Variants in FNDC1 observed in about 807,000 individuals in gnomAD.
FNDC1 encodes the protein fibronectin type III domain containing 1.
A neutral mutation model predicts 168.0 loss-of-function variants in FNDC1; 96 were observed. The observed-to-expected ratio is 0.57, with a 90% CI of 0.48 to 0.68. FNDC1 has a LOEUF of 0.68. FNDC1 is among the 30% of genes least tolerant of loss of function. FNDC1 has a pLI of 0.00. For synonymous variants in FNDC1, 1,099 were observed against 1,025.9 expected, an observed-to-expected ratio of 1.07 and a Z score of -1.36; for missense variants, 2,587 against 2,482.1, an observed-to-expected ratio of 1.04 and a Z score of -0.90.
intron 4 of FNDC1, among the ~76,000 whole-genome samples, chr6:159,204,966 C>G (rs1782458316): frequency 1.3e-5 from 2 of 152,124 alleles, no homozygotes; most frequent in Non-Finnish European, 2.9e-5. Flanking sequence ...CTGACATTGC[C>G]CCTCTCCCTT....
chr6:159,200,764 G>T (rs988560273), intron 4 of FNDC1, among the ~76,000 whole-genome samples, 183 bp downstream of exon 4: 2 of 152,222 alleles, frequency 1.3e-5, no homozygotes, highest in African/African-American at 4.8e-5. Context: ...ACTGTAACCA[G>T]TGTTGCTTAT....
intron 1 of FNDC1, among the ~76,000 whole-genome samples, chr6:159,185,116 C>T (rs2114929560): frequency 6.7e-6 from 1 of 150,092 alleles, no homozygotes; most frequent in South Asian, 2.1e-4. Flanking sequence ...CTTTTGCTTA[C>T]ACTGGATCCT....
intron 19 of FNDC1, 24 bp from the exon 20 acceptor site, chr6:159,264,951 C>T (rs762770233): frequency 1.3e-6 from 2 of 1,590,000 alleles, no homozygotes; most frequent in South Asian, 2.3e-5. Context: ...GCACAGAGTC[C>T]ATTATTTCTT....
intron 1 of FNDC1, among the ~76,000 whole-genome samples, chr6:159,178,599 C>T (rs1190621741): frequency 6.6e-6 from 1 of 152,094 alleles, no homozygotes. Flanking sequence ...CAAATCTGTT[C>T]CCCCATTTTA....
intron 22 of FNDC1, among the ~76,000 whole-genome samples, chr6:159,268,991 T>TATCCATCCATCC (rs199923245): frequency 4.0e-4 from 52 of 130,460 alleles, no homozygotes; most frequent in Admixed American, 1.5e-3. Flanking sequence ...TGTATCTATT[T>TATCCATCCATCC]ATCCATCCAT....
chr6:159,264,574 G>A (rs1777553705), intron 19 of FNDC1, among the ~76,000 whole-genome samples: 1 of 152,198 alleles, frequency 6.6e-6, no homozygotes, highest in Admixed American at 6.5e-5. Context: ...TGTTTGGATG[G>A]ACATATGTTT....
intron 1 of FNDC1, among the ~76,000 whole-genome samples, chr6:159,196,219 C>T (rs1782237744): frequency 6.6e-6 from 1 of 152,202 alleles, no homozygotes; most frequent in African/African-American, 2.4e-5. Flanking sequence ...GGAGGGAATG[C>T]TTTGTAGATT....
chr6:159,223,707 G>T (rs1782895356), intron 7 of FNDC1, 62 bp downstream of exon 7: 5 of 953,472 alleles, frequency 5.2e-6, no homozygotes, highest in African/African-American at 1.7e-5. Flanking sequence ...GCCCTGAAAA[G>T]ACATGTATTT....
intron 2 of FNDC1, among the ~76,000 whole-genome samples, chr6:159,198,367 A>G (rs981857866): frequency 6.6e-6 from 1 of 152,212 alleles, no homozygotes; most frequent in African/African-American, 2.4e-5. Context: ...TTGATCCTTT[A>G]GTGGATCATG....
At chr6:159,264,051 A>G (rs534134281) in intron 19 of FNDC1, among the ~76,000 whole-genome samples, 2 of 152,366 alleles carry the variant, frequency 1.3e-5, no homozygotes, top group South Asian at 2.1e-4. Context: ...TTGGGCTAAG[A>G]TAGAGACAGG....
chr6:159,256,795 G>A (rs919793722), intron 18 of FNDC1, among the ~76,000 whole-genome samples, 164 bp downstream of exon 18: 2 of 152,218 alleles, frequency 1.3e-5, no homozygotes, highest in Admixed American at 6.5e-5. Flanking sequence ...TGTCATATAA[G>A]TTTCTTAGAA....
intron 4 of FNDC1, among the ~76,000 whole-genome samples, chr6:159,205,469 A>G (rs1050697883): frequency 6.6e-6 from 1 of 152,182 alleles, no homozygotes; most frequent in African/African-American, 2.4e-5. Context: ...TCAAGAGCAT[A>G]ATTAATCCAC....
chr6:159,200,148 G>C, intron 3 of FNDC1, 66 bp downstream of exon 3: 3 of 1,143,200 alleles, frequency 2.6e-6, no homozygotes, highest in Non-Finnish European at 3.8e-6. Context: ...ATCCCTCCTT[G>C]CTTCTTCCAG....
chr6:159,263,314 T>C (rs1777527243), intron 19 of FNDC1, among the ~76,000 whole-genome samples: 1 of 152,136 alleles, frequency 6.6e-6, no homozygotes, highest in Non-Finnish European at 1.5e-5. Context: ...GATGGAAACA[T>C]TTTGCAGGTT....
At chr6:159,237,719 C>G (rs1783296049) in intron 12 of FNDC1, among the ~76,000 whole-genome samples, 2 of 152,170 alleles carry the variant, frequency 1.3e-5, no homozygotes, top group South Asian at 4.1e-4. Flanking sequence ...ATTCTTCACC[C>G]AAACTACTTC....
At position 159,266,231 on chromosome 6, in the gene FNDC1, G is replaced by A; in HGVS notation, c.5432G>A (p.Ser1811Asn). 6.2e-7 allele frequency: 1 copy of A among 1,613,984 alleles called. No homozygotes were observed. Among genetic ancestry groups the A allele is most frequent in the Non-Finnish European group, 8.5e-7 (1 of 1,179,854 alleles). Residue 1811 changes from serine (S) to asparagine (N), a missense_variant, in exon 21 of 23, where the codon AGT becomes AAT. Transcript: ENST00000297267. ...CNSLRYKIYLSDNLKDTFYSI... is the reference protein window; with the variant it reads ...CNSLRYKIYLNDNLKDTFYSI... ...TCACTGAGGTATAAAATCTACCTCA[G>A]TGACAACCTGAAAGGTAAGTCTTTG...
In FNDC1 at chr6:159,266,239, C is replaced by A; in HGVS notation, c.5440C>A (p.Leu1814Met). ...LRYKIYLSDN[L>M]KDTFYSIGDS... is the part of the protein sequence containing the mutation. Reference sequence around the variant, plus strand: ...GTATAAAATCTACCTCAGTGACAACCTGAAAGGTAAGTCTTTGTGCATGGT... The same window carrying A: ...GTATAAAATCTACCTCAGTGACAACATGAAAGGTAAGTCTTTGTGCATGGT... Residue 1814 changes from leucine to methionine, a missense_variant, in exon 21 of 23, where the codon CTG becomes ATG. Physicochemically the swap from Leu to Met is conservative, Grantham distance 15 (BLOSUM62 2). Coordinates refer to ENST00000297267, the MANE Select transcript of FNDC1 (RefSeq NM_032532.3). 6.2e-7 allele frequency: 1 copy of A among 1,613,920 alleles called. No individual in the cohort carries two copies. Among genetic ancestry groups the A allele is most frequent in the Non-Finnish European group, 8.5e-7 (1 of 1,179,826 alleles).
In FNDC1 at chr6:159,233,195, C is replaced by A. The variant is rs760810477; in HGVS notation, c.2683C>A (p.Pro895Thr). 4 of 1,612,272 alleles carry A rather than the reference C, an allele frequency of 2.5e-6. No homozygotes were observed. Among genetic ancestry groups the A allele is most frequent in the Non-Finnish European group, 3.4e-6 (4 of 1,179,312 alleles). ...TGCCACCGTTGTCAATGACCACGTG[C>A]CTTCCTCCTCCAGGCAGCCCATCTC... ...LPATVVNDHV[P>T]SSSRQPISRG... The change falls in exon 11 of 23, where the codon CCT (proline) becomes ACT (threonine). Residue 895 changes from proline to threonine, a missense_variant. Transcript: ENST00000297267. The surrounding 1 kb of genome is among the most constrained non-coding windows in gnomAD (Gnocchi z 4.6).
intron 2 of FNDC1, among the ~76,000 whole-genome samples, chr6:159,199,700 T>A (rs752392085): frequency 3.9e-5 from 6 of 152,228 alleles, no homozygotes; most frequent in Non-Finnish European, 8.8e-5. Context: ...ATTAAAACCT[T>A]CAAAAGCTCT....
Sources: gnomAD v4.1 joint callset for allele counts (sites outside exome capture counted in the v4.1 genomes callset) on GRCh38, gnomAD v4.1.1 for gene constraint, Gnocchi (gnomAD v3.1) non-coding constraint, MANE v1.5 for transcripts, NCBI Gene and HGNC (gene_info 2026-07-23, HGNC 2026-07-21) for gene names.